Variants in MYRIP observed in about 807,000 individuals in gnomAD.
MYRIP encodes the protein myosin VIIA and Rab interacting protein, also known as rab effector MyRIP.
MYRIP carries 49 observed loss-of-function variants against 98.0 expected under a neutral mutation model. The ratio of observed to expected loss-of-function variants is 0.50; its 90% CI spans 0.40 to 0.63. MYRIP has a LOEUF of 0.63. Among genes scored for constraint, MYRIP ranks in the 30% least tolerant of loss-of-function variants. The pLI, the probability that MYRIP is intolerant of heterozygous loss-of-function variation, is 0.00. For missense variants in MYRIP, 1,004 were observed against 1,058.2 expected (o/e 0.95, Z 0.71); for synonymous variants, 404 against 409.5 (o/e 0.99, Z 0.16).
At chr3:40,247,032 A>ACT (rs1273179413) in intron 13 of MYRIP, among the ~76,000 whole-genome samples, 1 of 152,238 alleles carries the variant, frequency 6.6e-6, no homozygotes, top group Non-Finnish European at 1.5e-5. Flanking sequence ...AAGATATATT[A>ACT]AGTAGAATCA....
At chr3:39,809,472 C>T (rs1333313550), upstream of MYRIP, 1 of 147,350 alleles carries the variant, frequency 6.8e-6, no homozygotes, top group African/African-American at 2.4e-5. Flanking sequence ...CCTGCCCCGG[C>T]GCAGGCGCGA....
intron 2 of MYRIP, among the ~76,000 whole-genome samples, chr3:39,985,817 T>C (rs1946017832): frequency 6.6e-6 from 1 of 151,898 alleles, no homozygotes; most frequent in African/African-American, 2.4e-5. Flanking sequence ...TCAAGATGGA[T>C]TAAAGACTTA....
intron 3 of MYRIP, among the ~76,000 whole-genome samples, chr3:40,108,971 C>T (rs1205062021): frequency 6.6e-6 from 1 of 152,166 alleles, no homozygotes; most frequent in Non-Finnish European, 1.5e-5. Context: ...CACCCCAGGG[C>T]TAGGTACCAG....
At chr3:39,975,722 C>T (rs1373783577) in intron 2 of MYRIP, among the ~76,000 whole-genome samples, 2 of 152,104 alleles carry the variant, frequency 1.3e-5, no homozygotes, top group South Asian at 4.2e-4. Flanking sequence ...TGGAACAGAA[C>T]AGAGCCCTCA....
chr3:39,857,576 A>G (rs1942343777), intron 1 of MYRIP, among the ~76,000 whole-genome samples: 1 of 152,160 alleles, frequency 6.6e-6, no homozygotes, highest in Non-Finnish European at 1.5e-5. Flanking sequence ...AGAATGAAAG[A>G]GTGAAGGAAG....
At chr3:39,936,512 C>T (rs1489326781) in intron 2 of MYRIP, among the ~76,000 whole-genome samples, 1 of 152,154 alleles carries the variant, frequency 6.6e-6, no homozygotes, top group African/African-American at 2.4e-5. Context: ...GCAAACAAGA[C>T]ATGGTAGGGT....
intron 2 of MYRIP, among the ~76,000 whole-genome samples, chr3:40,030,627 G>C (rs1364819671): frequency 6.6e-6 from 1 of 152,088 alleles, no homozygotes; most frequent in African/African-American, 2.4e-5. Flanking sequence ...TCCATAAATT[G>C]AATATTATTT....
chr3:39,962,632 T>C (rs1466654404), intron 2 of MYRIP, among the ~76,000 whole-genome samples: 3 of 152,096 alleles, frequency 2.0e-5, no homozygotes, highest in Non-Finnish European at 4.4e-5. Context: ...AGGGCTGTAG[T>C]GCAGTTACTT....
At chr3:40,221,295 A>G (rs1482727298) in intron 11 of MYRIP, among the ~76,000 whole-genome samples, 1 of 152,146 alleles carries the variant, frequency 6.6e-6, no homozygotes, top group Non-Finnish European at 1.5e-5. Flanking sequence ...ATCAGTAAAA[A>G]TGCAAATTAA....
At chr3:39,865,816 T>C (rs551911644) in intron 1 of MYRIP, among the ~76,000 whole-genome samples, 5 of 152,286 alleles carry the variant, frequency 3.3e-5, no homozygotes, top group African/African-American at 9.6e-5. Flanking sequence ...AATCCCATTA[T>C]TGGGTATATA....
intron 1 of MYRIP, among the ~76,000 whole-genome samples, chr3:39,837,014 T>C (rs1267284572): frequency 1.3e-5 from 2 of 152,186 alleles, no homozygotes; most frequent in African/African-American, 4.8e-5. Context: ...TGCTGTAAGG[T>C]AAGACCCAGT....
At chr3:40,174,607 G>T in intron 8 of MYRIP, 1 of 152,366 alleles carries the variant, frequency 6.6e-6, no homozygotes, top group Non-Finnish European at 1.5e-5. Context: ...AGCACTGGGT[G>T]TGTAGTAGGC....
intron 11 of MYRIP, among the ~76,000 whole-genome samples, chr3:40,227,332 G>A (rs1952518123): frequency 6.6e-6 from 1 of 151,990 alleles, no homozygotes; most frequent in African/African-American, 2.4e-5. Flanking sequence ...TCTGCTCCCA[G>A]TAAAGGGAAA....
intron 3 of MYRIP, among the ~76,000 whole-genome samples, chr3:40,133,195 A>G (rs1405463887): frequency 3.3e-5 from 5 of 152,356 alleles, no homozygotes; most frequent in South Asian, 2.1e-4. Context: ...ATTCATGTCT[A>G]TTGAGTCAGT....
chr3:39,882,331 A>G (rs1217080511), intron 1 of MYRIP, among the ~76,000 whole-genome samples: 1 of 152,156 alleles, frequency 6.6e-6, no homozygotes, highest in East Asian at 1.9e-4. Context: ...GCATCTCATC[A>G]AAGGATATAT....
chr3:40,042,952 T>C (rs1280959137), intron 2 of MYRIP, among the ~76,000 whole-genome samples: 2 of 152,204 alleles, frequency 1.3e-5, no homozygotes, highest in African/African-American at 2.4e-5. Context: ...TAGTCCACCA[T>C]AGAATATCTC....
intron 2 of MYRIP, among the ~76,000 whole-genome samples, chr3:39,917,391 A>G (rs2125686668): frequency 6.7e-6 from 1 of 148,370 alleles, no homozygotes; most frequent in Non-Finnish European, 1.5e-5. Context: ...AAACACAAAC[A>G]TAAAAAGAGT....
chr3:40,119,181 A>T (rs951698329), intron 3 of MYRIP, among the ~76,000 whole-genome samples: 3 of 152,038 alleles, frequency 2.0e-5, no homozygotes, highest in Admixed American at 6.6e-5. Context: ...GTTGAACTAG[A>T]TTACAGTCCC....
intron 2 of MYRIP, among the ~76,000 whole-genome samples, chr3:39,906,984 C>T (rs751936971): frequency 1.5e-4 from 23 of 152,268 alleles, no homozygotes; most frequent in Non-Finnish European, 2.6e-4. Context: ...ACTTGTTTCC[C>T]TCTGTTGGAC....
Sources: gnomAD v4.1 joint callset for allele counts (sites outside exome capture counted in the v4.1 genomes callset) on GRCh38, gnomAD v4.1.1 for gene constraint, MANE v1.5 for transcripts, NCBI Gene and HGNC (gene_info 2026-07-23, HGNC 2026-07-21) for gene names.